Variants in CDH13 observed in about 807,000 individuals in gnomAD.
The protein encoded by CDH13 is cadherin-13.
Under a neutral mutation model 63.8 loss-of-function variants are expected in CDH13, and 24 were observed. The observed-to-expected ratio is 0.38, with a 90% confidence interval of 0.27 to 0.53. The LOEUF (loss-of-function observed/expected upper bound fraction) is 0.53, where lower values mean the gene tolerates loss of function less well. Ranked by LOEUF, CDH13 falls within the 20% of genes least tolerant of loss-of-function variation. CDH13 has a pLI of 0.85. For missense variants in CDH13, 1,049 were observed against 903.1 expected (o/e 1.16, Z -2.07); for synonymous variants, 503 against 355.3 (o/e 1.42, Z -4.67).
intron 1 of CDH13, among the ~76,000 whole-genome samples, chr16:82,839,936 C>T (rs1490942897): frequency 6.6e-6 from 1 of 152,044 alleles, no homozygotes; most frequent in African/African-American, 2.4e-5. Context: ...TACATTAATC[C>T]AGCTTGGGTT....
chr16:83,636,166 C>T (rs1315405443), intron 8 of CDH13, among the ~76,000 whole-genome samples: 1 of 151,926 alleles, frequency 6.6e-6, no homozygotes, highest in Admixed American at 6.6e-5. Context: ...TCCGTTCTGT[C>T]CCATTGATCT....
At chr16:83,150,868 C>A (rs972608054) in intron 4 of CDH13, among the ~76,000 whole-genome samples, 1 of 152,144 alleles carries the variant, frequency 6.6e-6, no homozygotes, top group Non-Finnish European at 1.5e-5. Flanking sequence ...TAACCATTTC[C>A]ATTATAGCAT....
chr16:83,754,386 A>G (rs560012424), intron 11 of CDH13, among the ~76,000 whole-genome samples: 1 of 152,298 alleles, frequency 6.6e-6, no homozygotes, highest in East Asian at 1.9e-4. Context: ...GCCCAGCAAC[A>G]GGAGTAAGCC....
intron 6 of CDH13, among the ~76,000 whole-genome samples, chr16:83,421,001 C>G (rs2071698449): frequency 6.6e-6 from 1 of 152,198 alleles, no homozygotes; most frequent in African/African-American, 2.4e-5. Context: ...CGACAGCCAG[C>G]TGGATGGTGT....
intron 1 of CDH13, among the ~76,000 whole-genome samples, chr16:82,665,070 A>G (rs1912426806): frequency 6.6e-6 from 1 of 152,208 alleles, no homozygotes. Flanking sequence ...TTTGAATCAT[A>G]TGATGTATAT....
chr16:83,620,773 C>A (rs979655429), intron 8 of CDH13, among the ~76,000 whole-genome samples: 1 of 152,274 alleles, frequency 6.6e-6, no homozygotes, highest in South Asian at 2.1e-4. Context: ...AAGAGTCTGG[C>A]CTCTGCATCT....
intron 4 of CDH13, among the ~76,000 whole-genome samples, chr16:83,134,544 GGAGAGAGAGAGAGAGAGAGAGAGA>G (rs67135267): frequency 2.4e-5 from 2 of 84,364 alleles, no homozygotes; most frequent in East Asian, 8.3e-4. Context: ...TGGGGTGGGG[GGAGAGAGAGAGAGAGAGAGAGAGA>G]GAGAGAGAGA....
rs192597633 is a variant in CDH13 at position 82,910,100 on chromosome 16, G to A, written c.157+51627G>A. On this transcript the variant is annotated intron_variant, in intron 2 of 13. Coordinates refer to ENST00000567109, the MANE Select transcript of CDH13 (RefSeq NM_001257.5). Reference sequence around the variant, plus strand: ...TGTTCAATTCTCCACCCCTCTTTACGCATCCCATCAAATGCCGATGTCTGA... The same window carrying A: ...TGTTCAATTCTCCACCCCTCTTTACACATCCCATCAAATGCCGATGTCTGA... 2.3e-4 allele frequency among the ~76,000 whole-genome samples: 35 copies of A among 152,196 alleles called. No homozygotes were observed. In the East Asian group the frequency reaches 4.5e-3, roughly 19 times the overall value.
chr16:83,726,501 T>C (rs1234432726), intron 10 of CDH13: 1 of 152,206 alleles, frequency 6.6e-6, no homozygotes, highest in African/African-American at 2.4e-5. Flanking sequence ...TTTTGTTTGT[T>C]GAGTATTTGC....
At chr16:83,597,361 G>C (rs1192972465) in intron 7 of CDH13, among the ~76,000 whole-genome samples, 1 of 152,166 alleles carries the variant, frequency 6.6e-6, no homozygotes, top group African/African-American at 2.4e-5. Context: ...TGTAAACACT[G>C]AGATAAAAGT....
At chr16:83,250,415 T>C (rs771228534) in intron 5 of CDH13, among the ~76,000 whole-genome samples, 2 of 152,086 alleles carry the variant, frequency 1.3e-5, no homozygotes, top group Non-Finnish European at 2.9e-5. Flanking sequence ...GGATAAAAAA[T>C]AAATAAAACC....
At chr16:83,643,840 C>G (rs1256454131) in intron 8 of CDH13, among the ~76,000 whole-genome samples, 1 of 152,126 alleles carries the variant, frequency 6.6e-6, no homozygotes, top group Non-Finnish European at 1.5e-5. Flanking sequence ...TCCTGGAGAG[C>G]CCCCCAAGTT....
chr16:83,314,593 G>T (rs1481520397), intron 5 of CDH13, among the ~76,000 whole-genome samples: 1 of 152,042 alleles, frequency 6.6e-6, no homozygotes, highest in African/African-American at 2.4e-5. Flanking sequence ...TCTACACTCT[G>T]TAAAGACAAG....
chr16:82,977,468 A>T (rs1170158558), intron 2 of CDH13, among the ~76,000 whole-genome samples: 2 of 152,204 alleles, frequency 1.3e-5, no homozygotes, highest in Non-Finnish European at 2.9e-5. Flanking sequence ...TAATTTAATT[A>T]TGAGTGAGTT....
intron 6 of CDH13, among the ~76,000 whole-genome samples, chr16:83,392,784 G>C (rs1280239166): frequency 6.6e-6 from 1 of 152,042 alleles, no homozygotes; most frequent in Admixed American, 6.6e-5. Flanking sequence ...TAAATTATGC[G>C]GTGCCATCTT....
intron 4 of CDH13, among the ~76,000 whole-genome samples, chr16:83,168,507 C>A (rs1323722079): frequency 1.3e-5 from 2 of 152,152 alleles, no homozygotes; most frequent in East Asian, 3.9e-4. Context: ...ACAGAGTCAA[C>A]TTTACCTAAC....
At chr16:82,884,866 C>G (rs1023583272) in intron 2 of CDH13, among the ~76,000 whole-genome samples, 11 of 152,214 alleles carry the variant, frequency 7.2e-5, no homozygotes, top group Non-Finnish European at 1.5e-4. Context: ...AAAGACAAAG[C>G]TGTGGGGAAA....
At chr16:83,502,478 T>C (rs2074304627) in intron 7 of CDH13, among the ~76,000 whole-genome samples, 2 of 152,148 alleles carry the variant, frequency 1.3e-5, no homozygotes, top group Admixed American at 1.3e-4. Context: ...CACTTTGGAC[T>C]CCTGTCCTGA....
chr16:83,285,799 T>C (rs2089296381), intron 5 of CDH13, among the ~76,000 whole-genome samples: 1 of 152,160 alleles, frequency 6.6e-6, no homozygotes, highest in Non-Finnish European at 1.5e-5. Flanking sequence ...CATTCTGAGT[T>C]TGTTGGCAGT....
Sources: gnomAD v4.1 joint callset for allele counts (sites outside exome capture counted in the v4.1 genomes callset) on GRCh38, gnomAD v4.1.1 for gene constraint, MANE v1.5 for transcripts, NCBI Gene and HGNC (gene_info 2026-07-23, HGNC 2026-07-21) for gene names.